DNAH12: variants seen among roughly 807,000 people sequenced by gnomAD.
DNAH12 encodes axonemal beta dynein heavy chain 12.
Under a neutral mutation model 371.5 loss-of-function variants are expected in DNAH12, and 285 were observed. That is an observed-to-expected ratio of 0.77 (90% CI 0.70 to 0.85). The LOEUF (loss-of-function observed/expected upper bound fraction) is 0.85. DNAH12 is among the 40% of genes least tolerant of loss of function. The probability of loss-of-function intolerance (pLI) is 0.00; values close to 1 mark genes in which losing one functional copy is unlikely to be tolerated. For missense variants in DNAH12, 3,611 were observed against 3,689.4 expected (o/e 0.98, Z 0.55); for synonymous variants, 1,200 against 1,213.0 (o/e 0.99, Z 0.22).
intron 52 of DNAH12, among the ~76,000 whole-genome samples, chr3:57,377,637 CCAGT>C (rs2063308221): frequency 1.3e-5 from 2 of 151,656 alleles, no homozygotes; most frequent in South Asian, 2.1e-4. Context: ...GATTTTCTTC[CCAGT>C]CAGACTGAGG....
intron 32 of DNAH12, among the ~76,000 whole-genome samples, chr3:57,430,145 A>G (rs990411625): frequency 8.5e-5 from 13 of 152,154 alleles, no homozygotes; most frequent in Non-Finnish European, 1.9e-4. Context: ...TTATTAAATT[A>G]AAAAATAGAA....
intron 11 of DNAH12, among the ~76,000 whole-genome samples, chr3:57,495,844 C>A (rs6763666): frequency 0.89 from 125,819 of 142,060 alleles, 56,227 homozygotes; most frequent in African/African-American, 0.96. Context: ...ATATTTTAAA[C>A]AATGTATTTA....
At chr3:57,359,077 C>T (rs985495055) in intron 58 of DNAH12, among the ~76,000 whole-genome samples, 7 of 152,154 alleles carry the variant, frequency 4.6e-5, no homozygotes, top group Non-Finnish European at 1.0e-4. Flanking sequence ...AGCCACTGCA[C>T]CCGGCCGTAA....
chr3:57,393,890 T>G (rs1239097220), intron 44 of DNAH12, among the ~76,000 whole-genome samples: 4 of 152,046 alleles, frequency 2.6e-5, no homozygotes, highest in African/African-American at 9.7e-5. Flanking sequence ...AAGAGATGAT[T>G]TAAAAATCTC....
At chr3:57,475,990 C>A (rs530071865) in intron 13 of DNAH12, among the ~76,000 whole-genome samples, 13 of 152,202 alleles carry the variant, frequency 8.5e-5, no homozygotes, top group Non-Finnish European at 1.9e-4. Flanking sequence ...ATATCAAAAG[C>A]AGAAACAACC....
intron 59 of DNAH12, among the ~76,000 whole-genome samples, chr3:57,353,714 C>T (rs1350906418): frequency 6.6e-6 from 1 of 151,976 alleles, no homozygotes; most frequent in African/African-American, 2.4e-5. Flanking sequence ...AAAAAGTAGG[C>T]AAAGGACATA....
intron 16 of DNAH12, 36 bp downstream of exon 16, chr3:57,470,407 C>T: frequency 1.4e-6 from 2 of 1,467,554 alleles, no homozygotes; most frequent in African/African-American, 1.4e-5. Context: ...TATTTTCTAT[C>T]ATTTGCTTGA....
At chr3:57,503,968 C>A in intron 9 of DNAH12, 48 bp downstream of exon 9, 1 of 1,481,532 alleles carries the variant, frequency 6.7e-7, no homozygotes, top group South Asian at 1.2e-5. Context: ...CATAGAGATT[C>A]AATTCAAATA....
intron 67 of DNAH12, 75 bp from the exon 68 acceptor site, chr3:57,309,929 A>C: frequency 7.8e-7 from 1 of 1,285,936 alleles, no homozygotes; most frequent in East Asian, 2.7e-5. Flanking sequence ...ACGCTACTCC[A>C]AAATATGCTA....
rs564934968 is a variant in DNAH12 at position 57,508,196 on chromosome 3, A to C, written c.701+186T>G. ...AGCAAGACTCCATCACGGGAAAAAA[A>C]AAACAAAAAAAAAAAAAACCAAAAA... On this transcript the variant is annotated intron_variant, in intron 7 of 73. Coordinates refer to ENST00000495027, the MANE Select transcript of DNAH12 (RefSeq NM_001366028.2). 2.4e-4 allele frequency among the ~76,000 whole-genome samples: 25 copies of C among 105,256 alleles called. 1 individual carries two copies. The highest frequency in any genetic ancestry group is 1.3e-3 in the South Asian group (3 of 2,250). 69.1% of individuals were successfully genotyped at this position (105,256 alleles called of 152,430 possible).
intron 42 of DNAH12, among the ~76,000 whole-genome samples, chr3:57,404,249 G>T (rs1011747780): frequency 3.3e-5 from 5 of 151,866 alleles, no homozygotes; most frequent in Non-Finnish European, 7.3e-5. Context: ...TTATATAATA[G>T]AATGCAATAT....
chr3:57,396,293 A>ACAG (rs1199704716), intron 43 of DNAH12, among the ~76,000 whole-genome samples: 2 of 143,308 alleles, frequency 1.4e-5, no homozygotes, highest in Non-Finnish European at 3.0e-5. Flanking sequence ...AAAAAAACAA[A>ACAG]AAAAAAAAAA....
chr3:57,464,732 C>T (rs1400986610), intron 17 of DNAH12, among the ~76,000 whole-genome samples: 1 of 152,014 alleles, frequency 6.6e-6, no homozygotes, highest in East Asian at 1.9e-4. Context: ...CCTAACTAGA[C>T]TGATCAACAA....
chr3:57,484,040 T>C (rs1284479933), intron 12 of DNAH12, among the ~76,000 whole-genome samples: 1 of 151,138 alleles, frequency 6.6e-6, no homozygotes, highest in Non-Finnish European at 1.5e-5. Flanking sequence ...AATATTTACA[T>C]GCAAAATTAT....
chr3:57,547,603 G>A (rs2069589781), upstream of DNAH12, among the ~76,000 whole-genome samples: 2 of 152,276 alleles, frequency 1.3e-5, no homozygotes, highest in East Asian at 3.9e-4. Context: ...ATATCAGGTA[G>A]AGAGAAAGAT....
At chr3:57,423,850 T>C (rs2064671944) in intron 35 of DNAH12, among the ~76,000 whole-genome samples, 1 of 152,066 alleles carries the variant, frequency 6.6e-6, no homozygotes, top group Non-Finnish European at 1.5e-5. Context: ...GCAATTCTCC[T>C]GCCTCAGCCT....
At chr3:57,405,374 G>A (rs920284858) in intron 41 of DNAH12, among the ~76,000 whole-genome samples, 4 of 152,052 alleles carry the variant, frequency 2.6e-5, no homozygotes, top group African/African-American at 9.7e-5. Context: ...GTCATTCTGG[G>A]CGACTCCCAT....
Position 57,468,848 on chromosome 3 carries a change from CT to C in DNAH12, c.2236del (p.Arg746GlufsTer34). 1 of 1,523,546 alleles carries C rather than the reference CT, an allele frequency of 6.6e-7. No individual in the cohort carries two copies. The highest frequency in any genetic ancestry group is 8.8e-7 in the Non-Finnish European group (1 of 1,140,490). 94.4% of individuals were successfully genotyped at this position (1,523,546 alleles called of 1,614,324 possible). A position where few individuals can be genotyped will look rare whatever the true frequency, so the allele number is the denominator to read the frequency against. ...TKLKKELQEK[R>X]KAARKRSLEE... ...CAAAGACCGTTTTCTTGCTGCCTTT[CT>C]TTTTTCTTGTAATTCTTTCTTTAGC... On this transcript the variant is annotated frameshift_variant, in exon 17 of 74. Coordinates refer to ENST00000495027, the MANE Select transcript of DNAH12 (RefSeq NM_001366028.2). LOFTEE classifies it high-confidence loss of function.
At chr3:57,538,864 C>T (rs1049272169) in intron 2 of DNAH12, among the ~76,000 whole-genome samples, 1 of 152,208 alleles carries the variant, frequency 6.6e-6, no homozygotes, top group Non-Finnish European at 1.5e-5. Flanking sequence ...ATATATCCAA[C>T]TGCTATTAAT....
Sources: gnomAD v4.1 joint callset for allele counts (sites outside exome capture counted in the v4.1 genomes callset) on GRCh38, gnomAD v4.1.1 for gene constraint, MANE v1.5 for transcripts, NCBI Gene and HGNC (gene_info 2026-07-23, HGNC 2026-07-21) for gene names.